The following KIAA1217 variants were observed in gnomAD, a reference collection of about 807,000 sequenced individuals.
KIAA1217 encodes the protein KIAA1217.
A neutral mutation model predicts 163.9 loss-of-function variants in KIAA1217; 88 were observed. The ratio of observed to expected loss-of-function variants is 0.54; its 90% CI spans 0.45 to 0.64. The LOEUF is 0.64. Among genes scored for constraint, KIAA1217 ranks in the 30% least tolerant of loss-of-function variants. The pLI, the probability that KIAA1217 is intolerant of heterozygous loss-of-function variation, is 0.00. For missense variants in KIAA1217, 2,372 were observed against 2,475.0 expected (o/e 0.96, Z 0.88); for synonymous variants, 903 against 923.1 (o/e 0.98, Z 0.39).
chr10:23,762,639 T>G (rs1322452358), intron 1 of KIAA1217, among the ~76,000 whole-genome samples: 1 of 152,226 alleles, frequency 6.6e-6, no homozygotes, highest in South Asian at 2.1e-4. Flanking sequence ...GAACTATTTA[T>G]GACAAACCCA....
intron 2 of KIAA1217, among the ~76,000 whole-genome samples, chr10:24,349,251 A>C (rs2048175098): frequency 6.6e-6 from 1 of 152,282 alleles, no homozygotes; most frequent in South Asian, 2.1e-4. Flanking sequence ...TGTGAAGAAC[A>C]TATAACCTGG....
intron 2 of KIAA1217, among the ~76,000 whole-genome samples, chr10:24,151,565 G>GCT (rs2064614896): frequency 6.6e-6 from 1 of 150,758 alleles, no homozygotes; most frequent in Non-Finnish European, 1.5e-5. Flanking sequence ...GTGTGTGTGT[G>GCT]CTTCAGAGTT....
At chr10:24,282,823 CTTTTTTTTTTTTTT>C (rs34486953) in intron 2 of KIAA1217, among the ~76,000 whole-genome samples, 1 of 46,238 alleles carries the variant, frequency 2.2e-5, no homozygotes, top group Non-Finnish European at 3.8e-5. Flanking sequence ...GGTGTTGCTT[CTTTTTTTTTTTTTT>C]TTTTTTTTTT....
chr10:23,743,267 G>T (rs7084832), intron 1 of KIAA1217, among the ~76,000 whole-genome samples: 1 of 151,380 alleles, frequency 6.6e-6, no homozygotes, highest in Non-Finnish European at 1.5e-5. Context: ...CAGTGTTTAC[G>T]GTAGTTCTTA....
intron 2 of KIAA1217, among the ~76,000 whole-genome samples, chr10:24,179,652 C>A (rs187967269): frequency 7.2e-4 from 109 of 152,064 alleles, no homozygotes; most frequent in African/African-American, 2.6e-3. Context: ...GCAGTGGTTC[C>A]ATCTCAGCTC....
chr10:23,710,172 T>C (rs1389338605), intron 1 of KIAA1217, among the ~76,000 whole-genome samples: 3 of 148,986 alleles, frequency 2.0e-5, no homozygotes, highest in Non-Finnish European at 4.4e-5. Flanking sequence ...TCTGTTACCT[T>C]ATGCAGACTG....
At chr10:24,348,446 A>C (rs1591194638) in intron 2 of KIAA1217, among the ~76,000 whole-genome samples, 1 of 152,344 alleles carries the variant, frequency 6.6e-6, no homozygotes, top group East Asian at 1.9e-4. Context: ...ACAACTATAT[A>C]TTAAATGGTG....
At chr10:24,518,547 T>G (rs897937956) in intron 10 of KIAA1217, among the ~76,000 whole-genome samples, 1 of 152,162 alleles carries the variant, frequency 6.6e-6, no homozygotes. Flanking sequence ...CTGACAGACA[T>G]GTTGGTTGTT....
chr10:24,489,342 C>G (rs757189434), intron 6 of KIAA1217, among the ~76,000 whole-genome samples: 8 of 152,082 alleles, frequency 5.3e-5, no homozygotes, highest in Non-Finnish European at 1.2e-4. Context: ...CACATCAGCT[C>G]GGCTAGCTGG....
intron 2 of KIAA1217, among the ~76,000 whole-genome samples, chr10:24,119,519 G>A (rs1349762580): frequency 6.6e-6 from 1 of 152,140 alleles, no homozygotes; most frequent in African/African-American, 2.4e-5. Flanking sequence ...CTAATATCTT[G>A]GGTTGCACTA....
intron 1 of KIAA1217, among the ~76,000 whole-genome samples, chr10:23,896,430 A>G (rs1264184591): frequency 6.6e-6 from 1 of 151,996 alleles, no homozygotes. Flanking sequence ...CACCCCTATG[A>G]AGTCATCACC....
At chr10:23,934,623 A>ATTTTTTTTTTTTT (rs1475453455) in intron 1 of KIAA1217, among the ~76,000 whole-genome samples, 2 of 61,444 alleles carry the variant, frequency 3.3e-5, no homozygotes, top group East Asian at 2.8e-4. Context: ...ATATATATAT[A>ATTTTTTTTTTTTT]TATTTTTTTT....
chr10:24,427,134 G>T (rs941903471), intron 3 of KIAA1217, among the ~76,000 whole-genome samples: 2 of 152,080 alleles, frequency 1.3e-5, no homozygotes, highest in African/African-American at 4.8e-5. Flanking sequence ...TTCTCAGGGG[G>T]ACACTGAGCA....
At chr10:24,021,812 A>G (rs1156670101) in intron 2 of KIAA1217, among the ~76,000 whole-genome samples, 3 of 151,982 alleles carry the variant, frequency 2.0e-5, no homozygotes, top group Non-Finnish European at 4.4e-5. Context: ...AATATAGTCA[A>G]CTGATCTCTG....
intron 2 of KIAA1217, among the ~76,000 whole-genome samples, chr10:24,370,926 C>T (rs1463644762): frequency 1.3e-5 from 2 of 152,158 alleles, no homozygotes; most frequent in Non-Finnish European, 2.9e-5. Flanking sequence ...AAACACATCA[C>T]TGAATAAAAA....
At chr10:24,291,883 T>A (rs2079123773) in intron 2 of KIAA1217, among the ~76,000 whole-genome samples, 2 of 152,192 alleles carry the variant, frequency 1.3e-5, no homozygotes, top group Non-Finnish European at 2.9e-5. Context: ...CTTTTGTATA[T>A]GTTAAATTCT....
At chr10:24,245,496 C>T (rs559770932) in intron 2 of KIAA1217, among the ~76,000 whole-genome samples, 2 of 152,128 alleles carry the variant, frequency 1.3e-5, no homozygotes, top group African/African-American at 2.4e-5. Flanking sequence ...CAGCCTCATA[C>T]GTTTTTGGAG....
intron 2 of KIAA1217, among the ~76,000 whole-genome samples, chr10:24,304,357 A>G (rs146876700): frequency 1.3e-4 from 20 of 152,140 alleles, no homozygotes; most frequent in African/African-American, 4.6e-4. Context: ...ACATTTAAAA[A>G]AATTTTTTTA....
intron 6 of KIAA1217, among the ~76,000 whole-genome samples, chr10:24,489,741 G>A (rs1436195814): frequency 6.6e-6 from 1 of 151,448 alleles, no homozygotes; most frequent in Non-Finnish European, 1.5e-5. Flanking sequence ...GTGCATGCCT[G>A]TGGTGCCAGC....
Sources: allele counts gnomAD v4.1 joint callset (sites outside exome capture counted in the v4.1 genomes callset), GRCh38; gene constraint gnomAD v4.1.1; transcripts MANE v1.5; gene names NCBI Gene and HGNC (gene_info 2026-07-23, HGNC 2026-07-21).